MSH3: variants seen among roughly 807,000 people sequenced by gnomAD.
MSH3 encodes the protein mutS homolog 3.
MSH3 carries 106 observed loss-of-function variants against 123.3 expected under a neutral mutation model. The ratio of observed to expected loss-of-function variants is 0.86; its 90% CI spans 0.73 to 1.01. The LOEUF (loss-of-function observed/expected upper bound fraction) is 1.01, where lower values mean the gene tolerates loss of function less well. Ranked by LOEUF, MSH3 falls within the 50% of genes least tolerant of loss-of-function variation. The probability of loss-of-function intolerance (pLI) is 0.00; values close to 1 mark genes in which losing one functional copy is unlikely to be tolerated. For synonymous variants in MSH3, 515 were observed against 481.4 expected, an observed-to-expected ratio of 1.07 and a Z score of -0.91; for missense variants, 1,459 against 1,347.6, an observed-to-expected ratio of 1.08 and a Z score of -1.29.
At chr5:80,823,166 G>C (rs1257318704) in intron 20 of MSH3, among the ~76,000 whole-genome samples, 2 of 152,160 alleles carry the variant, frequency 1.3e-5, no homozygotes, top group Non-Finnish European at 2.9e-5. Flanking sequence ...CATCTAGATA[G>C]AAGGCTTATT....
intron 20 of MSH3, among the ~76,000 whole-genome samples, chr5:80,834,601 T>C (rs1745477114): frequency 6.8e-6 from 1 of 146,790 alleles, no homozygotes; most frequent in South Asian, 2.1e-4. Context: ...ACATTTTAAA[T>C]ATAATTAAAA....
chr5:80,775,632 GA>G, intron 15 of MSH3, 61 bp from the exon 16 acceptor site: 1 of 960,122 alleles, frequency 1.0e-6, no homozygotes, highest in Non-Finnish European at 1.6e-6. Flanking sequence ...ACAATTTGGG[GA>G]AAGCTTTAAA....
At chr5:80,759,570 G>T (rs1031004366) in intron 12 of MSH3, among the ~76,000 whole-genome samples, 8 of 152,180 alleles carry the variant, frequency 5.3e-5, no homozygotes, top group Admixed American at 2.0e-4. Context: ...ACAGGCATCA[G>T]TTGTTTTTTA....
In MSH3 at chr5:80,685,885, CTTG is replaced by C. The variant is rs1750077441; in HGVS notation, c.1340+6796_1340+6798del. On this transcript the variant is annotated intron_variant, in intron 8 of 23. Coordinates refer to ENST00000265081, the MANE Select transcript of MSH3 (RefSeq NM_002439.5). ...TTGTTTCAAGAAATTTTTAAATTTCCTTGTTGATCTCTTCATTGACCCACTGGC... is the reference window on the plus strand; with the variant it reads ...TTGTTTCAAGAAATTTTTAAATTTCCTTGATCTCTTCATTGACCCACTGGC... Among the ~76,000 whole-genome samples the C allele has an allele frequency of 2.6e-5, 4 of 152,046 alleles. No homozygotes were observed. In the South Asian group the frequency reaches 8.3e-4, roughly 32 times the overall value.
intron 19 of MSH3, among the ~76,000 whole-genome samples, chr5:80,800,023 G>A (rs1744765799): frequency 6.6e-6 from 1 of 152,184 alleles, no homozygotes; most frequent in South Asian, 2.1e-4. Context: ...CTATGTGGAA[G>A]TTGCTTAGTT....
chr5:80,846,244 T>A (rs1745718327), intron 20 of MSH3, among the ~76,000 whole-genome samples: 1 of 151,948 alleles, frequency 6.6e-6, no homozygotes, highest in Non-Finnish European at 1.5e-5. Flanking sequence ...TGCAGAACAG[T>A]AAATATTGCT....
chr5:80,682,361 G>T (rs1282916733), intron 8 of MSH3, among the ~76,000 whole-genome samples: 1 of 152,002 alleles, frequency 6.6e-6, no homozygotes, highest in African/African-American at 2.4e-5. Flanking sequence ...TAGGTAAAGC[G>T]CCTGAAATAG....
At chr5:80,839,797 T>A (rs900513028) in intron 20 of MSH3, among the ~76,000 whole-genome samples, 5 of 152,158 alleles carry the variant, frequency 3.3e-5, no homozygotes, top group African/African-American at 1.2e-4. Context: ...ACAGAAGCAG[T>A]GGCTGTCATG....
intron 8 of MSH3, among the ~76,000 whole-genome samples, chr5:80,716,250 TTATA>T (rs1419408410): frequency 6.6e-6 from 1 of 152,214 alleles, no homozygotes; most frequent in Non-Finnish European, 1.5e-5. Context: ...TTCAACTGCT[TTATA>T]TTTATTTCTT....
chr5:80,868,849 A>G (rs1334527667), intron 22 of MSH3, among the ~76,000 whole-genome samples: 1 of 151,772 alleles, frequency 6.6e-6, no homozygotes, highest in Non-Finnish European at 1.5e-5. Context: ...TAGATTGAAA[A>G]CCATTTCACT....
chr5:80,847,317 C>T (rs998906223), intron 20 of MSH3, among the ~76,000 whole-genome samples: 1 of 151,672 alleles, frequency 6.6e-6, no homozygotes, highest in Non-Finnish European at 1.5e-5. Context: ...GCCTCAGCCT[C>T]CCAGAGTGCT....
intron 13 of MSH3, 129 bp from the exon 14 acceptor site, chr5:80,767,804 T>G: frequency 2.9e-6 from 2 of 679,352 alleles, no homozygotes; most frequent in Non-Finnish European, 5.1e-6. Flanking sequence ...AGTGATATTT[T>G]ATTTCAACTA....
chr5:80,790,554 T>C (rs1002645435), intron 18 of MSH3, among the ~76,000 whole-genome samples: 16 of 152,318 alleles, frequency 1.1e-4, no homozygotes, highest in African/African-American at 3.8e-4. Context: ...GTTTCAACTA[T>C]AATATAAAAG....
rs1486734790 is a variant in MSH3, at chr5:80,854,149, A to T, written c.2833A>T (p.Ile945Leu). The change falls in exon 21 of 24, where the codon ATA becomes TTA. Residue 945 changes from isoleucine to leucine, a missense_variant. Coordinates refer to ENST00000265081, the MANE Select transcript of MSH3 (RefSeq NM_002439.5). ...IFTRMGAADNIYKGQSTFMEE... is the reference protein window; with the variant it reads ...IFTRMGAADNLYKGQSTFMEE... ...TTGTAGGATGGGTGCTGCAGACAATATATATAAAGGACAGAGTACATTTAT... is the reference window on the plus strand; with the variant it reads ...TTGTAGGATGGGTGCTGCAGACAATTTATATAAAGGACAGAGTACATTTAT... The T allele has an allele frequency of 5.0e-6, 8 of 1,613,558 alleles. No individual in the cohort carries two copies. The East Asian group carries it at 1.6e-4, about 31-fold the overall frequency.
intron 2 of MSH3, among the ~76,000 whole-genome samples, chr5:80,661,178 G>C (rs1017569634): frequency 2.0e-5 from 3 of 151,926 alleles, no homozygotes; most frequent in Non-Finnish European, 4.4e-5. Context: ...CGAGTCTGTG[G>C]GTTTATAGGT....
intron 22 of MSH3, among the ~76,000 whole-genome samples, chr5:80,868,714 C>T (rs373241018): frequency 6.7e-6 from 1 of 150,152 alleles, no homozygotes; most frequent in African/African-American, 2.5e-5. Context: ...AGCAAACCTC[C>T]GTGACACAAG....
chr5:80,666,769 T>C (rs765100192), intron 3 of MSH3, among the ~76,000 whole-genome samples: 13 of 152,168 alleles, frequency 8.5e-5, no homozygotes, highest in Non-Finnish European at 1.9e-4. Flanking sequence ...CGTGGATGAA[T>C]GGCAAAAAGC....
At chr5:80,868,879 T>C (rs1472080193) in intron 22 of MSH3, among the ~76,000 whole-genome samples, 1 of 152,084 alleles carries the variant, frequency 6.6e-6, no homozygotes, top group Non-Finnish European at 1.5e-5. Context: ...GAAGCAGTGC[T>C]CCACTGCCTG....
chr5:80,813,613 C>T lies in MSH3; in HGVS notation c.2685C>T (p.Thr895=), dbSNP rs61753792. The change falls in exon 20 of 24, where the codon ACC becomes ACT. Residue 895 remains threonine, a synonymous_variant. Coordinates refer to ENST00000265081, the MANE Select transcript of MSH3 (RefSeq NM_002439.5). The part of the protein sequence containing the change: ...SEDSERVMII[T]GPNMGGKSSY... ...ACTCAGAGAGAGTAATGATAATTAC[C>T]GGACCAAACATGGGTGGAAAGAGCT... 2.0e-4 allele frequency: 325 copies of T among 1,613,928 alleles called. No homozygotes were observed. Among genetic ancestry groups the T allele is most frequent in the Non-Finnish European group, 2.4e-4 (288 of 1,179,970 alleles).
Sources: gnomAD v4.1 joint callset for allele counts (sites outside exome capture counted in the v4.1 genomes callset) on GRCh38, gnomAD v4.1.1 for gene constraint, MANE v1.5 for transcripts, NCBI Gene and HGNC (gene_info 2026-07-23, HGNC 2026-07-21) for gene names.